The following WASF1 variants were observed in gnomAD, a reference collection of about 807,000 sequenced individuals.
WASF1 encodes WASP family member 1.
Under a neutral mutation model 50.5 loss-of-function variants are expected in WASF1, and 7 were observed. That is an observed-to-expected ratio of 0.14 (90% CI 0.08 to 0.26). The LOEUF (loss-of-function observed/expected upper bound fraction) is 0.26, where lower values mean the gene tolerates loss of function less well. WASF1 is among the 10% of genes least tolerant of loss of function. The pLI, the probability that WASF1 is intolerant of heterozygous loss-of-function variation, is 1.00. For synonymous variants in WASF1, 205 were observed against 244.0 expected (o/e 0.84, Z 1.49); for missense variants, 470 against 694.7 (o/e 0.68, Z 3.64).
intron 2 of WASF1, among the ~76,000 whole-genome samples, chr6:110,168,490 C>T (rs1416698276): frequency 1.3e-5 from 2 of 152,018 alleles, no homozygotes; most frequent in African/African-American, 2.4e-5. Context: ...AAAAGACTTG[C>T]TTTTGCAAGC....
At chr6:110,111,547 C>A (rs1162096457) in intron 5 of WASF1, among the ~76,000 whole-genome samples, 1 of 152,106 alleles carries the variant, frequency 6.6e-6, no homozygotes, top group Admixed American at 6.6e-5. Flanking sequence ...ATTCAAATGG[C>A]CTGTAAGCAC....
At chr6:110,170,728 T>C (rs1053685952) in intron 2 of WASF1, among the ~76,000 whole-genome samples, 4 of 150,596 alleles carry the variant, frequency 2.7e-5, no homozygotes, top group Non-Finnish European at 4.4e-5. Context: ...AATGTAGAAA[T>C]AGATTAAAAG....
chr6:110,164,232 G>C (rs1776377783), intron 2 of WASF1, among the ~76,000 whole-genome samples: 1 of 151,594 alleles, frequency 6.6e-6, no homozygotes, highest in Non-Finnish European at 1.5e-5. Flanking sequence ...AAAAAATTCT[G>C]CTCTGTTAAG....
intron 2 of WASF1, among the ~76,000 whole-genome samples, chr6:110,164,752 G>A (rs1584027486): frequency 6.6e-6 from 1 of 151,596 alleles, no homozygotes; most frequent in African/African-American, 2.4e-5. Context: ...CAACATCGAT[G>A]TTTTAGCAGT....
chr6:110,120,901 A>T (rs1225975997), intron 4 of WASF1, among the ~76,000 whole-genome samples: 1 of 152,224 alleles, frequency 6.6e-6, no homozygotes, highest in Non-Finnish European at 1.5e-5. Flanking sequence ...CAACCATCTG[A>T]TCTTTGACAA....
At chr6:110,120,030 G>C (rs1774019309) in intron 4 of WASF1, among the ~76,000 whole-genome samples, 1 of 152,118 alleles carries the variant, frequency 6.6e-6, no homozygotes. Flanking sequence ...AGGTATTGAT[G>C]GAACATATCT....
At chr6:110,117,306 G>A (rs891008590) in intron 4 of WASF1, among the ~76,000 whole-genome samples, 4 of 152,184 alleles carry the variant, frequency 2.6e-5, no homozygotes, top group African/African-American at 4.8e-5. Context: ...AAAATGTAGA[G>A]AAGACCTTAA....
intron 4 of WASF1, among the ~76,000 whole-genome samples, chr6:110,123,467 A>G (rs975103285): frequency 2.6e-5 from 4 of 152,226 alleles, no homozygotes; most frequent in Non-Finnish European, 5.9e-5. Context: ...AGGGAGAACC[A>G]GACATTTAAG....
rs1187611244 is a variant in WASF1, at chr6:110,101,992, G to A, written c.1118C>T (p.Ala373Val). ...AACTCCAGGGGCAATCTGAAGAGGA[G>A]CTGGAGGTGGTGGTACTGCTGGAGC... ...LQAPAVPPPP[A>V]PLQIAPGVLH... The change falls in exon 10 of 11, where the codon GCT becomes GTT. Residue 373 changes from alanine to valine, a missense_variant. This residue lies in a region of WASF1 where 294 missense variants were observed against 343.5 expected (regional missense o/e 0.86). Transcript: ENST00000392589. 2.5e-6 allele frequency: 4 copies of A among 1,581,510 alleles called. No homozygotes were observed.
At position 110,105,429 on chromosome 6, in the gene WASF1, G is replaced by A; in HGVS notation, c.691C>T (p.Pro231Ser). The A allele has an allele frequency of 6.2e-7, 1 of 1,605,028 alleles. No individual in the cohort carries two copies. The highest frequency in any genetic ancestry group is 8.5e-7 in the Non-Finnish European group (1 of 1,176,270). ...LHKHIEVANG[P>S]ASHFETRPQT... Reference sequence around the variant, plus strand: ...AACCTTGTTTCAAAATGAGAGGCTGGGCCATTAGCAACTTCAATATGCTTA... The same window carrying A: ...AACCTTGTTTCAAAATGAGAGGCTGAGCCATTAGCAACTTCAATATGCTTA... The change falls in exon 8 of 11, where the codon CCA (proline) becomes TCA (serine). Residue 231 changes from proline to serine, a missense_variant. By Grantham distance (74) the Pro-to-Ser change is moderately conservative (BLOSUM62 -1). This residue lies in a region of WASF1 where 294 missense variants were observed against 343.5 expected (regional missense o/e 0.86). Coordinates refer to ENST00000392589, the MANE Select transcript of WASF1 (RefSeq NM_003931.3).
At position 110,103,369 on chromosome 6, in the gene WASF1, C is replaced by T. The variant is rs1773178302; in HGVS notation, c.893+9G>A. On this transcript the variant is annotated intron_variant, in intron 9 of 10. Transcript: ENST00000392589. ...TAAGATAAAACATCATATGCTTGTT[C>T]CAACATACCTGATACAGGTGGGTAT... 6.2e-7 allele frequency: 1 copy of T among 1,607,600 alleles called. No homozygotes were observed. The highest frequency in any genetic ancestry group is 1.7e-5 in the Admixed American group (1 of 59,448).
intron 2 of WASF1, among the ~76,000 whole-genome samples, chr6:110,167,702 T>C (rs1395968078): frequency 3.3e-5 from 5 of 151,988 alleles, no homozygotes; most frequent in Non-Finnish European, 7.4e-5. Flanking sequence ...AGGTCAACCA[T>C]AGATAATTCT....
chr6:110,108,013 T>C (rs140964454), intron 6 of WASF1, among the ~76,000 whole-genome samples: 9,626 of 151,184 alleles, frequency 0.064, 374 homozygotes, highest in African/African-American at 0.12. Context: ...AATATAAAAA[T>C]TTAGCCGGGC....
At chr6:110,125,098 A>G (rs1023994250) in intron 4 of WASF1, among the ~76,000 whole-genome samples, 1 of 152,206 alleles carries the variant, frequency 6.6e-6, no homozygotes, top group African/African-American at 2.4e-5. Flanking sequence ...TTTCTAAGTA[A>G]TTCAGATTTT....
chr6:110,131,437 G>A (rs1774664919), intron 3 of WASF1, among the ~76,000 whole-genome samples: 1 of 152,090 alleles, frequency 6.6e-6, no homozygotes, highest in South Asian at 2.1e-4. Flanking sequence ...AAGTTTCTAT[G>A]TATTTTTAAA....
In WASF1 at chr6:110,103,438, G is replaced by T; in HGVS notation, c.833C>A (p.Pro278Gln). ...TCCATGCATTGGTGGAGGTGGAGGT[G>T]GTTCATGTGGTCTGACTAATACCCT... ...EERVLVRPHEPPPPPPMHGAG... is the reference protein window; with the variant it reads ...EERVLVRPHEQPPPPPMHGAG... Residue 278 changes from proline to glutamine, a missense_variant, in exon 9 of 11, where the codon CCA (proline) becomes CAA (glutamine). This residue lies in a region of WASF1 where 294 missense variants were observed against 343.5 expected (regional missense o/e 0.86). Transcript: ENST00000392589. 1 of 1,614,052 alleles carries T rather than the reference G, an allele frequency of 6.2e-7. No individual in the cohort carries two copies. The highest frequency in any genetic ancestry group is 8.5e-7 in the Non-Finnish European group (1 of 1,179,954).
chr6:110,130,277 A>G (rs1774603873), intron 3 of WASF1, among the ~76,000 whole-genome samples: 1 of 152,214 alleles, frequency 6.6e-6, no homozygotes, highest in Non-Finnish European at 1.5e-5. Flanking sequence ...AACCCCATTA[A>G]GAAATAAAAT....
chr6:110,108,531 T>C lies in WASF1; in HGVS notation c.419A>G (p.Tyr140Cys), dbSNP rs745889789. The C allele has an allele frequency of 6.2e-7, 1 of 1,611,636 alleles. No individual in the cohort carries two copies. The highest frequency in any genetic ancestry group is 8.5e-7 in the Non-Finnish European group (1 of 1,178,674). The change falls in exon 6 of 11, where the codon TAT (tyrosine) becomes TGT (cysteine). Residue 140 changes from tyrosine to cysteine, a missense_variant. By Grantham distance (194) the Tyr-to-Cys change is radical. Around this residue, in one of 3 missense-constraint regions of WASF1, gnomAD observed 140 missense variants for 260.5 expected, o/e 0.54. Coordinates refer to ENST00000392589, the MANE Select transcript of WASF1 (RefSeq NM_003931.3). ...QPPPLNILTPYRDDGKEGLKF... is the reference protein window; with the variant it reads ...QPPPLNILTPCRDDGKEGLKF... ...TACTATTTATTAACCTACCTACCTA[T>C]AAGGAGTGAGTATATTGAGAGGTGG...
chr6:110,130,586 T>C (rs1473660035), intron 3 of WASF1, among the ~76,000 whole-genome samples: 1 of 152,204 alleles, frequency 6.6e-6, no homozygotes, highest in Admixed American at 6.5e-5. Context: ...TAGTCCACTA[T>C]ATGACAACAC....
Sources: gnomAD v4.1 joint callset for allele counts (sites outside exome capture counted in the v4.1 genomes callset) on GRCh38, gnomAD v4.1.1 for gene constraint, gnomAD v4.1.1 regional missense constraint, MANE v1.5 for transcripts, NCBI Gene and HGNC (gene_info 2026-07-23, HGNC 2026-07-21) for gene names.